SEMA3E: variants seen among roughly 807,000 people sequenced by gnomAD.
SEMA3E encodes the protein semaphorin 3E.
In SEMA3E, 49 loss-of-function variants were observed where a neutral mutation model predicts 93.6. The ratio of observed to expected loss-of-function variants is 0.52; its 90% CI spans 0.42 to 0.66. SEMA3E has a LOEUF of 0.66. SEMA3E is among the 30% of genes least tolerant of loss of function. The probability of loss-of-function intolerance (pLI) is 0.00; values close to 1 mark genes in which losing one functional copy is unlikely to be tolerated. For missense variants in SEMA3E, 906 were observed against 964.8 expected (o/e 0.94, Z 0.81); for synonymous variants, 363 against 330.7 (o/e 1.10, Z -1.06).
At chr7:83,389,741 A>G (rs969645743) in intron 14 of SEMA3E, among the ~76,000 whole-genome samples, 5 of 145,752 alleles carry the variant, frequency 3.4e-5, no homozygotes, top group Non-Finnish European at 6.0e-5. Context: ...ACATATATAC[A>G]CGTATATATT....
At chr7:83,604,797 C>T (rs897414647) in intron 1 of SEMA3E, among the ~76,000 whole-genome samples, 1 of 152,154 alleles carries the variant, frequency 6.6e-6, no homozygotes, top group South Asian at 2.1e-4. Flanking sequence ...CCCCCACCCG[C>T]TGATAGGCCC....
intron 14 of SEMA3E, among the ~76,000 whole-genome samples, chr7:83,388,398 T>C (rs1188392403): frequency 2.7e-5 from 4 of 150,644 alleles, no homozygotes; most frequent in African/African-American, 9.7e-5. Context: ...TAAGCCTTTT[T>C]TCTGAGGAAT....
At chr7:83,502,317 G>T (rs1039902853) in intron 1 of SEMA3E, among the ~76,000 whole-genome samples, 1 of 152,070 alleles carries the variant, frequency 6.6e-6, no homozygotes, top group South Asian at 2.1e-4. Context: ...AATATAAATT[G>T]GGCTGTGATG....
intron 4 of SEMA3E, among the ~76,000 whole-genome samples, chr7:83,462,633 AC>A (rs1453749523): frequency 2.0e-5 from 3 of 151,622 alleles, no homozygotes; most frequent in Admixed American, 1.3e-4. Context: ...AATCACCTTT[AC>A]CCCACTCAAC....
At chr7:83,553,284 A>G (rs1791807383) in intron 1 of SEMA3E, among the ~76,000 whole-genome samples, 3 of 152,084 alleles carry the variant, frequency 2.0e-5, no homozygotes, top group Non-Finnish European at 1.5e-5. Context: ...TTCCTCCTCC[A>G]TACATCCATG....
At chr7:83,578,871 T>A (rs1175781424) in intron 1 of SEMA3E, among the ~76,000 whole-genome samples, 1 of 152,104 alleles carries the variant, frequency 6.6e-6, no homozygotes, top group East Asian at 1.9e-4. Context: ...AAGAGCTTAT[T>A]CAAATATTGG....
chr7:83,381,218 A>ATAG (rs1315749411), intron 16 of SEMA3E, among the ~76,000 whole-genome samples: 1 of 151,980 alleles, frequency 6.6e-6, no homozygotes, highest in Admixed American at 6.6e-5. Flanking sequence ...TGAAATGGCT[A>ATAG]TAGGTCCCTG....
intron 4 of SEMA3E, among the ~76,000 whole-genome samples, chr7:83,464,900 C>A (rs1407008783): frequency 6.6e-6 from 1 of 151,310 alleles, no homozygotes; most frequent in East Asian, 2.0e-4. Context: ...CACTTCAACA[C>A]TATTTTATTT....
At chr7:83,377,039 C>T (rs1200880790) in intron 16 of SEMA3E, among the ~76,000 whole-genome samples, 1 of 151,918 alleles carries the variant, frequency 6.6e-6, no homozygotes, top group Admixed American at 6.6e-5. Flanking sequence ...CCCCCAAATT[C>T]CCCTACAGGA....
intron 1 of SEMA3E, among the ~76,000 whole-genome samples, chr7:83,623,581 A>G (rs1200551587): frequency 6.6e-6 from 1 of 152,042 alleles, no homozygotes; most frequent in Non-Finnish European, 1.5e-5. Context: ...AATAAAAGCA[A>G]TAACATTTCT....
chr7:83,635,625 T>C (rs938226817), intron 1 of SEMA3E, among the ~76,000 whole-genome samples: 5 of 151,972 alleles, frequency 3.3e-5, no homozygotes, highest in Non-Finnish European at 7.4e-5. Context: ...TTTTGATAAA[T>C]TAAGTACATG....
intron 4 of SEMA3E, among the ~76,000 whole-genome samples, chr7:83,456,014 T>C (rs2115837597): frequency 6.6e-6 from 1 of 152,128 alleles, no homozygotes; most frequent in African/African-American, 2.4e-5. Context: ...ACAGAAACTG[T>C]GAGATAATAA....
chr7:83,485,922 A>G lies in SEMA3E; in HGVS notation c.276+4192T>C, dbSNP rs534026977. Among the ~76,000 whole-genome samples the G allele has an allele frequency of 2.0e-5, 3 of 152,310 alleles. 1 individual carries two copies. In the Middle Eastern group the frequency reaches 0.01, roughly 518 times the overall value. Reference sequence around the variant, plus strand: ...TGTATGAAATGTTATGTTTTAAAAGATACTAAAGAAATAAATAGAAAGTGA... The same window carrying G: ...TGTATGAAATGTTATGTTTTAAAAGGTACTAAAGAAATAAATAGAAAGTGA... On this transcript the variant is annotated intron_variant, in intron 2 of 16. Coordinates refer to ENST00000643230, the MANE Select transcript of SEMA3E (RefSeq NM_012431.3).
intron 1 of SEMA3E, among the ~76,000 whole-genome samples, chr7:83,570,928 A>C (rs1206097438): frequency 6.6e-6 from 1 of 151,842 alleles, no homozygotes; most frequent in African/African-American, 2.4e-5. Context: ...ACCTCTATGC[A>C]CACAAATTAG....
At chr7:83,466,975 A>G (rs1789775884) in intron 3 of SEMA3E, among the ~76,000 whole-genome samples, 1 of 152,164 alleles carries the variant, frequency 6.6e-6, no homozygotes, top group Non-Finnish European at 1.5e-5. Context: ...TTTTTTAAGT[A>G]CAGTATAAAC....
At chr7:83,398,731 G>GTC (rs908600122) in intron 11 of SEMA3E, among the ~76,000 whole-genome samples, 1 of 152,110 alleles carries the variant, frequency 6.6e-6, no homozygotes, top group Non-Finnish European at 1.5e-5. Flanking sequence ...ATCACCTGAG[G>GTC]TCAGGAGTTC....
At chr7:83,547,790 T>C (rs1180015121) in intron 1 of SEMA3E, among the ~76,000 whole-genome samples, 1 of 151,990 alleles carries the variant, frequency 6.6e-6, no homozygotes, top group Admixed American at 6.6e-5. Flanking sequence ...TTCAGAGGGG[T>C]ATATCCTGCC....
chr7:83,433,398 C>T (rs973941048), intron 4 of SEMA3E, among the ~76,000 whole-genome samples: 4 of 152,086 alleles, frequency 2.6e-5, no homozygotes, highest in Non-Finnish European at 5.9e-5. Context: ...CGACTGTTTA[C>T]AACATTGACT....
chr7:83,367,942 C>G lies in SEMA3E; in HGVS notation c.1972G>C (p.Glu658Gln). 4 of 1,613,340 alleles carry G rather than the reference C, an allele frequency of 2.5e-6. No individual in the cohort carries two copies. Among genetic ancestry groups the G allele is most frequent in the Non-Finnish European group, 3.4e-6 (4 of 1,179,694 alleles). ...DAGTYFCQTV[E>Q]HSFVHTVRKI... ...CGGACCGTATGGACAAAGCTATGCT[C>G]TACTGTCTGGCAAAAATAGGTCCCA... Residue 658 changes from glutamate (E) to glutamine (Q), a missense_variant, in exon 17 of 17, where the codon GAG (glutamate) becomes CAG (glutamine). Glu to Gln is a conservative substitution (Grantham distance 29, BLOSUM62 2). Coordinates refer to ENST00000643230, the MANE Select transcript of SEMA3E (RefSeq NM_012431.3).
Sources: gnomAD v4.1 joint callset for allele counts (sites outside exome capture counted in the v4.1 genomes callset) on GRCh38, gnomAD v4.1.1 for gene constraint, MANE v1.5 for transcripts, NCBI Gene and HGNC (gene_info 2026-07-23, HGNC 2026-07-21) for gene names.